Variants in NCAPD2 observed in about 807,000 individuals in gnomAD.
NCAPD2 encodes non-SMC condensin I complex subunit D2.
In NCAPD2, 100 loss-of-function variants were observed where a neutral mutation model predicts 164.5. The ratio of observed to expected loss-of-function variants is 0.61; its 90% confidence interval spans 0.52 to 0.72. NCAPD2 has a LOEUF of 0.72. Ranked by LOEUF, NCAPD2 falls within the 30% of genes least tolerant of loss-of-function variation. NCAPD2 has a pLI of 0.00. For missense variants in NCAPD2, 1,560 were observed against 1,749.2 expected, an observed-to-expected ratio of 0.89 and a Z score of 1.93; for synonymous variants, 585 against 642.6, an observed-to-expected ratio of 0.91 and a Z score of 1.36.
intron 14 of NCAPD2, among the ~76,000 whole-genome samples, chr12:6,521,571 C>T (rs2137055642): frequency 1.7e-5 from 1 of 59,280 alleles, no homozygotes; most frequent in East Asian, 3.6e-4. Flanking sequence ...ACCTGTAGTC[C>T]CAACTGCTCA....
chr12:6,522,903 G>T lies in NCAPD2; in HGVS notation c.2030G>T (p.Arg677Leu). ...GVPQALFGVR[R>L]MLPLIWSKEP... is the part of the protein sequence containing the mutation. ...CCCCAGGCCCTGTTTGGGGTGCGCCGTATGCTGCCTCTCATCTGGTCTAAG... is the reference window on the plus strand; with the variant it reads ...CCCCAGGCCCTGTTTGGGGTGCGCCTTATGCTGCCTCTCATCTGGTCTAAG... Residue 677 changes from arginine (R) to leucine (L), a missense_variant, in exon 16 of 32, where the codon CGT (arginine) becomes CTT (leucine). Transcript: ENST00000315579. The T allele has an allele frequency of 6.2e-7, 1 of 1,614,176 alleles. No individual in the cohort carries two copies. The highest frequency in any genetic ancestry group is 8.5e-7 in the Non-Finnish European group (1 of 1,180,026).
intron 2 of NCAPD2, among the ~76,000 whole-genome samples, chr12:6,505,356 G>A (rs771484050): frequency 7.9e-5 from 12 of 152,156 alleles, no homozygotes; most frequent in East Asian, 3.8e-4. Context: ...GTGAGCCAGC[G>A]TGCCCGGTCT....
At chr12:6,514,097 G>T (rs1355404844) in intron 6 of NCAPD2, among the ~76,000 whole-genome samples, 168 bp from the exon 7 acceptor site, 2 of 152,132 alleles carry the variant, frequency 1.3e-5, no homozygotes, top group Non-Finnish European at 2.9e-5. Context: ...GAAGGAAGGA[G>T]TACCTAACTG....
chr12:6,529,591 C>G lies in NCAPD2; in HGVS notation c.3651C>G (p.Ser1217=). The G allele has an allele frequency of 6.2e-7, 1 of 1,614,176 alleles. No individual in the cohort carries two copies. Among genetic ancestry groups the G allele is most frequent in the Non-Finnish European group, 8.5e-7 (1 of 1,179,986 alleles). Residue 1217 remains serine, a splice_region_variant and synonymous_variant, in exon 28 of 32, where the codon TCC becomes TCG. Transcript: ENST00000315579. ...VEKLCQRFRT[S]RTERQQRDLA... is the part of the protein sequence containing the mutation. ...AGCTGTGTCAGCGGTTCCGCACATC[C>G]CGGTATGCTGCCCTCCCTGAGGGTT...
At chr12:6,514,977 G>A (rs1433730630) in intron 9 of NCAPD2, 57 bp downstream of exon 9, 25 of 1,582,404 alleles carry the variant, frequency 1.6e-5, no homozygotes, top group Non-Finnish European at 2.2e-5. Flanking sequence ...GTCCAGTGTT[G>A]AAAGGCTGTT....
chr12:6,526,653 T>G, intron 21 of NCAPD2, 38 bp downstream of exon 21: 1 of 1,600,002 alleles, frequency 6.2e-7, no homozygotes, highest in Non-Finnish European at 8.5e-7. Context: ...GGCAGCCAGC[T>G]TCTGTTCTCC....
rs765067047 is a variant in NCAPD2 at position 6,528,262 on chromosome 12, C to T, written c.3233C>T (p.Ala1078Val). 1 of 1,614,028 alleles carries T rather than the reference C, an allele frequency of 6.2e-7. No homozygotes were observed. The highest frequency in any genetic ancestry group is 1.1e-5 in the South Asian group (1 of 91,088). The change falls in exon 25 of 32, where the codon GCC becomes GTC. Residue 1078 changes from alanine (A) to valine (V), a missense_variant. Transcript: ENST00000315579. This position sits in a 1 kb window ranked among gnomAD's most constrained non-coding sequence, Gnocchi z 5.1. The part of the protein sequence containing the change: ...LPIVRSNLMV[A>V]TGDLAIRFPN... Reference sequence around the variant, plus strand: ...ATTGTCCGGTCTAACCTCATGGTTGCCACTGGGGATCTGGCCATCCGCTTT... The same window carrying T: ...ATTGTCCGGTCTAACCTCATGGTTGTCACTGGGGATCTGGCCATCCGCTTT...
chr12:6,514,998 A>T lies in NCAPD2; in HGVS notation c.987+78A>T, dbSNP rs919432689. The T allele has an allele frequency of 3.4e-6, 5 of 1,476,666 alleles. No homozygotes were observed. The African/African-American group carries it at 7.0e-5, about 21-fold the overall frequency. The allele number at this position is 1,476,666 out of a possible 1,614,324, so 91.5% of individuals were successfully genotyped here. A position where few individuals can be genotyped will look rare whatever the true frequency, so the allele number is the denominator to read the frequency against. Reference sequence around the variant, plus strand: ...TGTTGAAAGGCTGTTTCTTAACAGAACAAGAAAGTAGCTTTGACAAGTTGT... The same window carrying T: ...TGTTGAAAGGCTGTTTCTTAACAGATCAAGAAAGTAGCTTTGACAAGTTGT... On this transcript the variant is annotated intron_variant, in intron 9 of 31. Transcript: ENST00000315579.
chr12:6,529,682 G>T, intron 28 of NCAPD2, 89 bp downstream of exon 28: 1 of 1,602,010 alleles, frequency 6.2e-7, no homozygotes, highest in Non-Finnish European at 8.5e-7. Context: ...TGCCCCCACT[G>T]TGGCATCCCT....
chr12:6,511,247 T>C lies in NCAPD2; in HGVS notation c.582T>C (p.Phe194=). 1.9e-6 allele frequency: 3 copies of C among 1,614,180 alleles called. No homozygotes were observed. Among genetic ancestry groups the C allele is most frequent in the Non-Finnish European group, 2.5e-6 (3 of 1,180,006 alleles). The change falls in exon 6 of 32, where the codon TTT becomes TTC. Residue 194 remains phenylalanine (F), a synonymous_variant. Coordinates refer to ENST00000315579, the MANE Select transcript of NCAPD2 (RefSeq NM_014865.4). ...LWNHSIIEEE[F]VSLVTGCCYR... is the part of the protein sequence containing the mutation. ...ACCACTCAATAATTGAAGAAGAATT[T>C]GTCAGGTGGGTAGGGAGGATGGCTA...
chr12:6,518,489 T>TA, intron 13 of NCAPD2, among the ~76,000 whole-genome samples: 1 of 139,414 alleles, frequency 7.2e-6, no homozygotes, highest in Non-Finnish European at 1.5e-5. Context: ...CAAAAGCCCT[T>TA]ACAGCCGTCA....
rs1304604179 is a variant in NCAPD2 at position 6,511,222 on chromosome 12, A to G, written c.557A>G (p.Asn186Ser). ...CAGTTGGACATCCGTCACCTGTGGA[A>G]CCACTCAATAATTGAAGAAGAATTT... ...LLQLDIRHLW[N>S]HSIIEEEFVS... The change falls in exon 6 of 32, where the codon AAC (asparagine) becomes AGC (serine). Residue 186 changes from asparagine (N) to serine (S), a missense_variant. Physicochemically the swap from Asn to Ser is conservative, Grantham distance 46. Transcript: ENST00000315579. The G allele has an allele frequency of 6.2e-7, 1 of 1,614,240 alleles. No individual in the cohort carries two copies. The highest frequency in any genetic ancestry group is 8.5e-7 in the Non-Finnish European group (1 of 1,180,036).
At chr12:6,518,533 T>TTTTTTTTTTTTTTTTTTTG (rs1565544225) in intron 13 of NCAPD2, among the ~76,000 whole-genome samples, 1 of 138,600 alleles carries the variant, frequency 7.2e-6, no homozygotes, top group Non-Finnish European at 1.5e-5. Flanking sequence ...TTTTTTTTTT[T>TTTTTTTTTTTTTTTTTTTG]TGAGATGGAG....
At chr12:6,519,719 ATGG>A (rs1217200224) in intron 13 of NCAPD2, among the ~76,000 whole-genome samples, 1 of 151,898 alleles carries the variant, frequency 6.6e-6, no homozygotes, top group Non-Finnish European at 1.5e-5. Flanking sequence ...AAAAATATTT[ATGG>A]CTGGGTGCAA....
At position 6,514,522 on chromosome 12, in the gene NCAPD2, G is replaced by A. The variant is rs750984444; in HGVS notation, c.774G>A (p.Leu258=). Residue 258 remains leucine, a synonymous_variant, in exon 8 of 32, where the codon CTG becomes CTA. Transcript: ENST00000315579. The part of the protein sequence containing the change: ...LQHFEHLAPV[L]VAAVSLWATD... ...ACTTTGAACACCTGGCACCTGTACT[G>A]GTTGCAGCCGTGAGTCTATGGGCAA... 7 of 1,614,082 alleles carry A rather than the reference G, an allele frequency of 4.3e-6. No homozygotes were observed. The South Asian group carries it at 6.6e-5, about 15-fold the overall frequency.
At chr12:6,518,099 A>G (rs1035151069) in intron 13 of NCAPD2, 140 bp downstream of exon 13, 4 of 778,376 alleles carry the variant, frequency 5.1e-6, no homozygotes, top group East Asian at 2.7e-5. Context: ...TCATGTAGTA[A>G]TGGTCTGACC....
chr12:6,516,514 A>C (rs186161640), intron 9 of NCAPD2, among the ~76,000 whole-genome samples: 23 of 152,306 alleles, frequency 1.5e-4, no homozygotes, highest in East Asian at 9.6e-4. Flanking sequence ...AAACAAACAA[A>C]CAACCACAAT....
At chr12:6,521,232 T>C (rs1592174434) in intron 14 of NCAPD2, 122 bp downstream of exon 14, 2 of 1,216,006 alleles carry the variant, frequency 1.6e-6, no homozygotes, top group East Asian at 2.5e-5. Context: ...CAGAGATGAA[T>C]TGGCATTACT....
At chr12:6,529,336 G>A in intron 27 of NCAPD2, 177 bp from the exon 28 acceptor site, 1 of 645,796 alleles carries the variant, frequency 1.5e-6, no homozygotes, top group Non-Finnish European at 2.7e-6. Context: ...TGAGCCGGGG[G>A]CGGGGTGGGG....
Sources: allele counts gnomAD v4.1 joint callset (sites outside exome capture counted in the v4.1 genomes callset), GRCh38; gene constraint gnomAD v4.1.1; non-coding constraint Gnocchi (gnomAD v3.1); transcripts MANE v1.5; gene names NCBI Gene and HGNC (gene_info 2026-07-23, HGNC 2026-07-21).